The following TLE4 variants were observed in gnomAD, a reference collection of about 807,000 sequenced individuals.
TLE4 encodes transducin-like enhancer protein 4.
In TLE4, 8 loss-of-function variants were observed where a neutral mutation model predicts 92.8. That is an observed-to-expected ratio of 0.09 (90% CI 0.05 to 0.16). The LOEUF (loss-of-function observed/expected upper bound fraction) is 0.16, where lower values mean the gene tolerates loss of function less well. Ranked by LOEUF, TLE4 falls within the 10% of genes least tolerant of loss-of-function variation. TLE4 has a pLI of 1.00. For missense variants in TLE4, 675 were observed against 997.6 expected, an observed-to-expected ratio of 0.68 and a Z score of 4.36; for synonymous variants, 371 against 374.1, an observed-to-expected ratio of 0.99 and a Z score of 0.10.
At chr9:79,666,768 A>G (rs2061472780) in intron 8 of TLE4, among the ~76,000 whole-genome samples, 1 of 152,220 alleles carries the variant, frequency 6.6e-6, no homozygotes, top group Non-Finnish European at 1.5e-5. Context: ...TAGACACACA[A>G]CATTACATGG....
chr9:79,703,342 C>G (rs1243218359), intron 8 of TLE4, among the ~76,000 whole-genome samples: 1 of 152,192 alleles, frequency 6.6e-6, no homozygotes, highest in East Asian at 1.9e-4. Flanking sequence ...TGCCATTCAC[C>G]ACTCAGCAGC....
chr9:79,581,937 C>T (rs998463568), intron 4 of TLE4, among the ~76,000 whole-genome samples: 9 of 152,102 alleles, frequency 5.9e-5, no homozygotes, highest in South Asian at 2.1e-4. Flanking sequence ...TGCTTTCACT[C>T]GGAATCTCCC....
intron 8 of TLE4, among the ~76,000 whole-genome samples, chr9:79,673,893 C>T (rs1207288483): frequency 1.3e-5 from 2 of 152,072 alleles, no homozygotes; most frequent in Admixed American, 6.6e-5. Flanking sequence ...ATTCCAGTCA[C>T]GCCTCTCCAT....
rs11545434 is a variant in TLE4 at position 79,725,850 on chromosome 9, G to A, written c.*706G>A. The A allele has an allele frequency of 0.037, 5,630 of 152,440 alleles. 157 individuals are homozygous for A. The highest frequency in any genetic ancestry group is 0.057 in the Non-Finnish European group (3,857 of 67,978). 9.4% of individuals were successfully genotyped at this position (152,440 alleles called of 1,614,324 possible). On this transcript the variant is annotated 3_prime_UTR_variant, in exon 20 of 20. Coordinates refer to ENST00000376552, the MANE Select transcript of TLE4 (RefSeq NM_007005.6). ...TGGACTTTTTTTCTTTTTTTGACTC[G>A]TTGACAAGTGTCTTTGTAATATGTT...
chr9:79,657,208 C>T (rs1252137306), intron 8 of TLE4, among the ~76,000 whole-genome samples: 3 of 152,126 alleles, frequency 2.0e-5, no homozygotes, highest in Admixed American at 1.3e-4. Context: ...ACTCCATGTG[C>T]CCAACAGTAA....
At chr9:79,601,536 CTTA>C in intron 4 of TLE4, 1 of 449,604 alleles carries the variant, frequency 2.2e-6, no homozygotes, top group South Asian at 1.6e-5. Flanking sequence ...TTCAAACTTT[CTTA>C]TTATTACTTT....
chr9:79,583,632 T>C (rs1384166800), intron 4 of TLE4, among the ~76,000 whole-genome samples: 2 of 150,796 alleles, frequency 1.3e-5, no homozygotes, highest in Non-Finnish European at 2.9e-5. Flanking sequence ...TTTAACTCAT[T>C]ATTATTATTA....
intron 4 of TLE4, among the ~76,000 whole-genome samples, chr9:79,607,424 G>A (rs1382089653): frequency 6.6e-6 from 1 of 152,126 alleles, no homozygotes; most frequent in Non-Finnish European, 1.5e-5. Flanking sequence ...TGCTTTTGGT[G>A]TTTTAGTCAT....
chr9:79,718,467 G>C (rs745344296), intron 14 of TLE4, among the ~76,000 whole-genome samples: 1 of 152,174 alleles, frequency 6.6e-6, no homozygotes. Context: ...TAGAACTGCT[G>C]TTCTAGTTTA....
intron 8 of TLE4, among the ~76,000 whole-genome samples, chr9:79,698,055 A>G (rs751052728): frequency 3.3e-5 from 5 of 152,212 alleles, no homozygotes; most frequent in Non-Finnish European, 5.9e-5. Flanking sequence ...ATGGGGGCTT[A>G]CTAGTACTAG....
In TLE4 at chr9:79,722,440, T is replaced by A; in HGVS notation, c.1987-11T>A. On this transcript the variant is annotated splice_polypyrimidine_tract_variant and intron_variant, in intron 17 of 19. Transcript: ENST00000376552. ...TGTGGCCACTGTCACCATCACCTGT[T>A]TTAATTCTAGATCTTTTCTCTGGGC... 1 of 1,613,940 alleles carries A rather than the reference T, an allele frequency of 6.2e-7. No homozygotes were observed. Among genetic ancestry groups the A allele is most frequent in the Non-Finnish European group, 8.5e-7 (1 of 1,179,898 alleles).
At position 79,705,950 on chromosome 9, in the gene TLE4, T is replaced by G. The variant is rs372041261; in HGVS notation, c.783+8T>G. ...GTTGACGTTTCCAATGAGGTATGTT[T>G]GTGGCTACTTTAATTTTTTGCACTT... On this transcript the variant is annotated splice_region_variant and intron_variant, in intron 10 of 19. Transcript: ENST00000376552. 2 of 1,614,002 alleles carry G rather than the reference T, an allele frequency of 1.2e-6. No individual in the cohort carries two copies. The highest frequency in any genetic ancestry group is 1.7e-6 in the Non-Finnish European group (2 of 1,179,964).
At chr9:79,575,728 A>G (rs1252951108) in intron 3 of TLE4, 1 of 158,218 alleles carries the variant, frequency 6.3e-6, no homozygotes, top group East Asian at 1.8e-4. Context: ...AACTCTAAGT[A>G]GCATCACCTT....
intron 6 of TLE4, among the ~76,000 whole-genome samples, chr9:79,629,897 T>A (rs1265048655): frequency 6.6e-6 from 1 of 152,210 alleles, no homozygotes; most frequent in Non-Finnish European, 1.5e-5. Context: ...AGGCACTTGC[T>A]GTTCTCTGTC....
intron 6 of TLE4, among the ~76,000 whole-genome samples, chr9:79,635,232 TAA>T (rs1294771437): frequency 1.3e-5 from 2 of 152,190 alleles, no homozygotes; most frequent in African/African-American, 2.4e-5. Flanking sequence ...TTAATGATGT[TAA>T]GTGTCTTTTT....
At chr9:79,718,610 C>T (rs768433928) in intron 14 of TLE4, 112 bp from the exon 15 acceptor site, 58 of 1,402,466 alleles carry the variant, frequency 4.1e-5, no homozygotes, top group South Asian at 2.9e-5. Flanking sequence ...TCGATTTGTT[C>T]GTAAATCACA....
At chr9:79,621,516 T>C (rs186044336) in intron 5 of TLE4, among the ~76,000 whole-genome samples, 211 of 152,308 alleles carry the variant, frequency 1.4e-3, no homozygotes, top group African/African-American at 5.0e-3. Flanking sequence ...TTAGGGCTCA[T>C]TATCCCAAAA....
chr9:79,720,352 C>T, intron 16 of TLE4, 59 bp downstream of exon 16: 2 of 1,546,824 alleles, frequency 1.3e-6, no homozygotes, highest in Non-Finnish European at 8.7e-7. Flanking sequence ...CCATATTTTG[C>T]CAAAGTGCTG....
chr9:79,598,582 G>A (rs1328137742), intron 4 of TLE4, among the ~76,000 whole-genome samples: 1 of 152,106 alleles, frequency 6.6e-6, no homozygotes, highest in Non-Finnish European at 1.5e-5. Context: ...TTCAATGTCT[G>A]TCTCATTTGC....
Sources: allele counts gnomAD v4.1 joint callset (sites outside exome capture counted in the v4.1 genomes callset), GRCh38; gene constraint gnomAD v4.1.1; transcripts MANE v1.5; gene names NCBI Gene and HGNC (gene_info 2026-07-23, HGNC 2026-07-21).